Variants in SPTB observed in about 807,000 individuals in gnomAD.
The protein encoded by SPTB is spectrin beta chain, erythrocytic.
In SPTB, 45 loss-of-function variants were observed where a neutral mutation model predicts 256.2. That is an observed-to-expected ratio of 0.18 (90% CI 0.14 to 0.23). The LOEUF (loss-of-function observed/expected upper bound fraction) is 0.23. SPTB is among the 10% of genes least tolerant of loss of function. The pLI, the probability that SPTB is intolerant of heterozygous loss-of-function variation, is 1.00. For missense variants in SPTB, 2,715 were observed against 3,040.4 expected (o/e 0.89, Z 2.52); for synonymous variants, 1,231 against 1,243.1 (o/e 0.99, Z 0.21).
rs200886820 is a variant in SPTB, at chr14:64,770,804, A to G, written c.5798+81T>C. The G allele has an allele frequency of 8.6e-4, 1,370 of 1,599,466 alleles. 1 individual carries two copies. Among genetic ancestry groups the G allele is most frequent in the Non-Finnish European group, 1.1e-3 (1,229 of 1,168,686 alleles). ...GTCCAGGACTGTCCCTTCACGGAGGAGCCACAGTGCAGCACCCTGGTTGGC... is the reference window on the plus strand; with the variant it reads ...GTCCAGGACTGTCCCTTCACGGAGGGGCCACAGTGCAGCACCCTGGTTGGC... On this transcript the variant is annotated intron_variant, in intron 27 of 35. Coordinates refer to ENST00000644917, the MANE Select transcript of SPTB (RefSeq NM_001355436.2).
intron 33 of SPTB, among the ~76,000 whole-genome samples, chr14:64,750,710 A>C (rs1414361145): frequency 6.6e-6 from 1 of 151,688 alleles, no homozygotes; most frequent in African/African-American, 2.4e-5. Context: ...CGGGAGGCGA[A>C]GCTTGTAGTG....
Position 64,845,370 on chromosome 14 carries a change from T to C in SPTB, c.-51-22225A>G, listed in dbSNP as rs2083673668. On this transcript the variant is annotated intron_variant, in intron 1 of 35. Transcript: ENST00000644917. The surrounding 1 kb of genome is among the most constrained non-coding windows in gnomAD (Gnocchi z 4.8). ...AAGCTCATGAATACAGAACAGATAC[T>C]GGCTGTGTGGCACAAGTGGCTGTGT... Among the ~76,000 whole-genome samples the C allele has an allele frequency of 6.6e-6, 1 of 152,230 alleles. No individual in the cohort carries two copies. The highest frequency in any genetic ancestry group is 1.5e-5 in the Non-Finnish European group (1 of 68,040).
chr14:64,781,266 C>T (rs193228013), intron 20 of SPTB, among the ~76,000 whole-genome samples: 127 of 152,246 alleles, frequency 8.3e-4, no homozygotes, highest in African/African-American at 2.9e-3. Context: ...GCAAAAGAAA[C>T]TATCAACAGA....
chr14:64,836,286 A>G (rs745512431), intron 1 of SPTB, among the ~76,000 whole-genome samples: 3 of 152,204 alleles, frequency 2.0e-5, no homozygotes, highest in Non-Finnish European at 4.4e-5. Flanking sequence ...GGCAAAAAAT[A>G]AAATTTCATT....
chr14:64,757,900 C>T (rs1381174035), intron 32 of SPTB, among the ~76,000 whole-genome samples: 1 of 152,188 alleles, frequency 6.6e-6, no homozygotes, highest in East Asian at 1.9e-4. Flanking sequence ...TTCCCTCAGC[C>T]CTCTTCCTGC....
chr14:64,767,586 G>T, intron 30 of SPTB, 77 bp downstream of exon 30: 1 of 1,561,408 alleles, frequency 6.4e-7, no homozygotes. Flanking sequence ...CTAACAACTG[G>T]CCTGGAGTCC....
In SPTB at chr14:64,760,369, C is replaced by G. The variant is rs532112112; in HGVS notation, c.6345+6357G>C. ...GTCCAGGCTCAACCAGCAGGTGGCG[C>G]GGGGGACTGCACACAGACAACAAAC... On this transcript the variant is annotated intron_variant, in intron 32 of 35. Transcript: ENST00000644917. The surrounding 1 kb of genome is among the most constrained non-coding windows in gnomAD (Gnocchi z 4.3). Among the ~76,000 whole-genome samples, 1 of 152,022 alleles carries G rather than the reference C, an allele frequency of 6.6e-6. No homozygotes were observed. Among genetic ancestry groups the G allele is most frequent in the Non-Finnish European group, 1.5e-5 (1 of 68,002 alleles).
At chr14:64,766,288 G>T in intron 32 of SPTB, 1 of 693,910 alleles carries the variant, frequency 1.4e-6, no homozygotes, top group Non-Finnish European at 1.9e-6. Context: ...ATGTGTGTGT[G>T]GGCATGTGCC....
In SPTB at chr14:64,753,636, G is replaced by A. The variant is rs191850273; in HGVS notation, c.6503C>T (p.Thr2168Met). Residue 2168 changes from threonine (T) to methionine (M), a missense_variant, in exon 33 of 36, where the codon ACG becomes ATG. Coordinates refer to ENST00000644917, the MANE Select transcript of SPTB (RefSeq NM_001355436.2). ...CCCATGGTCCCGCGGGGCCGGCAGCGTTGCGGGCTCATCACCCTCGCTCAG... is the reference window on the plus strand; with the variant it reads ...CCCATGGTCCCGCGGGGCCGGCAGCATTGCGGGCTCATCACCCTCGCTCAG... ...TPLSEGDEPA[T>M]LPAPRDHGQS... 72 of 1,613,670 alleles carry A rather than the reference G, an allele frequency of 4.5e-5. No homozygotes were observed. The highest frequency in any genetic ancestry group is 1.8e-4 in the East Asian group (8 of 44,866).
Position 64,801,838 on chromosome 14 carries a change from C to T in SPTB, c.567-4G>A. The T allele has an allele frequency of 6.2e-7, 1 of 1,613,946 alleles. No homozygotes were observed. Among genetic ancestry groups the T allele is most frequent in the Non-Finnish European group, 8.5e-7 (1 of 1,179,812 alleles). On this transcript the variant is annotated splice_region_variant and splice_polypyrimidine_tract_variant and intron_variant, in intron 5 of 35. Transcript: ENST00000644917. ...GGTGACATTAACATGAGGGTAGCTG[C>T]ATCCAAGAGAAACAGTAAGAGCTAA...
chr14:64,748,352 G>A lies in SPTB; in HGVS notation c.*954C>T, dbSNP rs2081881892. 1.3e-5 allele frequency: 2 copies of A among 152,250 alleles called. No homozygotes were observed. The highest frequency in any genetic ancestry group is 4.8e-5 in the African/African-American group (2 of 41,426). 9.4% of individuals were successfully genotyped at this position (152,250 alleles called of 1,614,324 possible). The stretch of plus-strand genomic sequence containing the variant: ...TGGGGGCCCACACTGTCCCGTAGGG[G>A]GCCTATGTCTGTTGGATATTGCTGG... On this transcript the variant is annotated 3_prime_UTR_variant, in exon 36 of 36. Transcript: ENST00000644917.
In SPTB at chr14:64,797,766, G is replaced by A; in HGVS notation, c.1145C>T (p.Thr382Ile). ...AGACACTAGTTTCCCATCGTGGGGTGTGTACACTTTCTGATTGTTGGCTCT... is the reference window on the plus strand; with the variant it reads ...AGACACTAGTTTCCCATCGTGGGGTATGTACACTTTCTGATTGTTGGCTCT... ...RMRANNQKVYTPHDGKLVSDI... is the reference protein window; with the variant it reads ...RMRANNQKVYIPHDGKLVSDI... The change falls in exon 10 of 36, where the codon ACA (threonine) becomes ATA (isoleucine). Residue 382 changes from threonine to isoleucine, a missense_variant. Physicochemically the swap from Thr to Ile is moderately conservative, Grantham distance 89. Around this residue, in one of 4 missense-constraint regions of SPTB, gnomAD observed 416 missense variants for 571.1 expected, o/e 0.73. Transcript: ENST00000644917. The A allele has an allele frequency of 1.2e-6, 2 of 1,614,070 alleles. No homozygotes were observed. Among genetic ancestry groups the A allele is most frequent in the Admixed American group, 1.7e-5 (1 of 60,028 alleles).
In SPTB at chr14:64,762,084, C is replaced by T. The variant is rs114928555; in HGVS notation, c.6345+4642G>A. Among the ~76,000 whole-genome samples the T allele has an allele frequency of 6.0e-4, 91 of 152,226 alleles. 1 individual carries two copies. The highest frequency in any genetic ancestry group is 2.1e-3 in the African/African-American group (89 of 41,530). On this transcript the variant is annotated intron_variant, in intron 32 of 35. Coordinates refer to ENST00000644917, the MANE Select transcript of SPTB (RefSeq NM_001355436.2). Reference sequence around the variant, plus strand: ...CGGGCAGGTGTCCAGAAAGAGCCTACGGCAGGTTTCTCCAGGGAGCCAGGC... The same window carrying T: ...CGGGCAGGTGTCCAGAAAGAGCCTATGGCAGGTTTCTCCAGGGAGCCAGGC...
At position 64,824,907 on chromosome 14, in the gene SPTB, G is replaced by T. The variant is rs965204871; in HGVS notation, c.-51-1762C>A. ...CCTTGTGAGGTAAGATAGGAGCCAG[G>T]ATTACCCACCCTAATTGCCTTGGGA... On this transcript the variant is annotated intron_variant, in intron 1 of 35. Transcript: ENST00000644917. This position sits in a 1 kb window ranked among gnomAD's most constrained non-coding sequence, Gnocchi z 5.7. Among the ~76,000 whole-genome samples the T allele has an allele frequency of 1.2e-4, 18 of 152,126 alleles. No homozygotes were observed. Among genetic ancestry groups the T allele is most frequent in the African/African-American group, 4.3e-4 (18 of 41,426 alleles).
At position 64,785,699 on chromosome 14, in the gene SPTB, C is replaced by G. The variant is rs746988344; in HGVS notation, c.3764+50G>C. 1 of 1,613,198 alleles carries G rather than the reference C, an allele frequency of 6.2e-7. No individual in the cohort carries two copies. Among genetic ancestry groups the G allele is most frequent in the African/African-American group, 1.3e-5 (1 of 75,036 alleles). The stretch of plus-strand genomic sequence containing the variant: ...GTCCTCACCAAGCTTGGGGTCCTCA[C>G]TACCCCCGTGTGGCTCTGGGGGCCT... On this transcript the variant is annotated intron_variant, in intron 17 of 35. Transcript: ENST00000644917. This position sits in a 1 kb window ranked among gnomAD's most constrained non-coding sequence, Gnocchi z 4.4.
rs774798643 is a variant in SPTB, at chr14:64,753,522, C to G, written c.6602+15G>C. ...GCCCAACCTACCCTCAGCCAGCAGC[C>G]TCTCCCGCACTCACCTGTTGGAAGC... On this transcript the variant is annotated intron_variant, in intron 33 of 35. Coordinates refer to ENST00000644917, the MANE Select transcript of SPTB (RefSeq NM_001355436.2). 5 of 1,613,204 alleles carry G rather than the reference C, an allele frequency of 3.1e-6. No individual in the cohort carries two copies. The highest frequency in any genetic ancestry group is 4.2e-6 in the Non-Finnish European group (5 of 1,180,004).
At position 64,823,471 on chromosome 14, in the gene SPTB, G is replaced by A. The variant is rs979692481; in HGVS notation, c.-51-326C>T. The stretch of plus-strand genomic sequence containing the variant: ...CCCCGCCGCGGGGAGCACCCCGGGA[G>A]AGAGGAAGCTCTCCTGGGAGCCAGA... On this transcript the variant is annotated intron_variant, in intron 1 of 35. Transcript: ENST00000644917. The surrounding 1 kb of genome is among the most constrained non-coding windows in gnomAD (Gnocchi z 6.5). Among the ~76,000 whole-genome samples the A allele has an allele frequency of 3.3e-5, 5 of 152,190 alleles. No individual in the cohort carries two copies. In the East Asian group the frequency reaches 5.8e-4, roughly 18 times the overall value.
At position 64,793,380 on chromosome 14, in the gene SPTB, G is replaced by C; in HGVS notation, c.2283C>G (p.Asp761Glu). Reference sequence around the variant, plus strand: ...CTTCACCAGAGAGCAGCCGGTGGGCGTCTTGCAGCCAAGCCTTCAGGTCAT... The same window carrying C: ...CTTCACCAGAGAGCAGCCGGTGGGCCTCTTGCAGCCAAGCCTTCAGGTCAT... ...DADDLKAWLQ[D>E]AHRLLSGEDV... The change falls in exon 14 of 36, where the codon GAC becomes GAG. Residue 761 changes from aspartate (D) to glutamate (E), a missense_variant. Around this residue, in one of 4 missense-constraint regions of SPTB, gnomAD observed 2,239 missense variants for 2,384.4 expected, o/e 0.94. Transcript: ENST00000644917. This position sits in a 1 kb window ranked among gnomAD's most constrained non-coding sequence, Gnocchi z 7.0. The C allele has an allele frequency of 6.2e-7, 1 of 1,612,858 alleles. No homozygotes were observed. Among genetic ancestry groups the C allele is most frequent in the South Asian group, 1.1e-5 (1 of 91,092 alleles).
intron 3 of SPTB, among the ~76,000 whole-genome samples, 163 bp downstream of exon 3, chr14:64,804,776 A>C (rs2082950410): frequency 6.6e-6 from 1 of 152,142 alleles, no homozygotes. Context: ...ATTCAGAGAG[A>C]CCAGTCAGCC....
Sources: allele counts gnomAD v4.1 joint callset (sites outside exome capture counted in the v4.1 genomes callset), GRCh38; gene constraint gnomAD v4.1.1; regional missense constraint gnomAD v4.1.1; non-coding constraint Gnocchi (gnomAD v3.1); transcripts MANE v1.5; gene names NCBI Gene and HGNC (gene_info 2026-07-23, HGNC 2026-07-21).